The following GRIA2 variants were observed in gnomAD, a reference collection of about 807,000 sequenced individuals.
GRIA2 encodes the protein glutamate ionotropic receptor AMPA type subunit 2, also known as glutamate receptor 2.
GRIA2 carries 14 observed loss-of-function variants against 97.3 expected under a neutral mutation model. The ratio of observed to expected loss-of-function variants is 0.14; its 90% CI spans 0.10 to 0.23. GRIA2 has a LOEUF of 0.23. Ranked by LOEUF, GRIA2 falls within the 10% of genes least tolerant of loss-of-function variation. GRIA2 has a pLI of 1.00. For synonymous variants in GRIA2, 412 were observed against 387.8 expected (o/e 1.06, Z -0.73); for missense variants, 558 against 1,069.8 (o/e 0.52, Z 6.67).
chr4:157,303,475 A>T lies in GRIA2; in HGVS notation c.230-77A>T. On this transcript the variant is annotated intron_variant, in intron 2 of 15. Coordinates refer to ENST00000264426, the MANE Select transcript of GRIA2 (RefSeq NM_001083619.3). The stretch of plus-strand genomic sequence containing the variant: ...AATTTTGTATTTTATGTAAAAGGAC[A>T]TTACGTTTTAAGCAAATTCATATGA... 11 of 1,205,630 alleles carry T rather than the reference A, an allele frequency of 9.1e-6. No individual in the cohort carries two copies. In the South Asian group the frequency reaches 1.3e-4, roughly 14 times the overall value. The allele number at this position is 1,205,630 out of a possible 1,614,324, so 74.7% of individuals were successfully genotyped here. A position where few individuals can be genotyped will look rare whatever the true frequency, so the allele number is the denominator to read the frequency against.
chr4:157,222,437 G>T (rs1018401132), intron 2 of GRIA2, among the ~76,000 whole-genome samples: 2 of 152,192 alleles, frequency 1.3e-5, no homozygotes, highest in Non-Finnish European at 2.9e-5. Flanking sequence ...GGCGAGGAGC[G>T]GGGCTGACGC....
intron 2 of GRIA2, among the ~76,000 whole-genome samples, chr4:157,275,471 A>G (rs1472586363): frequency 1.3e-5 from 2 of 152,250 alleles, no homozygotes; most frequent in Non-Finnish European, 2.9e-5. Flanking sequence ...GGTATTGCCT[A>G]GGTTTTCTTC....
intron 12 of GRIA2, among the ~76,000 whole-genome samples, chr4:157,357,069 T>C (rs1271749249): frequency 6.6e-6 from 1 of 152,186 alleles, no homozygotes; most frequent in Non-Finnish European, 1.5e-5. Flanking sequence ...GTTACTTTTT[T>C]ATTTTTGCTA....
intron 2 of GRIA2, among the ~76,000 whole-genome samples, chr4:157,274,415 G>A (rs1312089068): frequency 6.6e-6 from 1 of 150,442 alleles, no homozygotes. Flanking sequence ...TGTGCACAAT[G>A]TGCAGGTTTG....
chr4:157,355,933 T>TAA (rs1560781153), intron 12 of GRIA2, among the ~76,000 whole-genome samples: 4 of 23,472 alleles, frequency 1.7e-4, no homozygotes, highest in East Asian at 2.6e-3. Flanking sequence ...TTATATATAT[T>TAA]TATATATTAA....
chr4:157,305,410 G>A (rs1267929613), intron 3 of GRIA2, among the ~76,000 whole-genome samples: 1 of 151,870 alleles, frequency 6.6e-6, no homozygotes, highest in African/African-American at 2.4e-5. Context: ...TGAAGTAGCA[G>A]GAATTACTGT....
At chr4:157,247,987 C>G (rs572810288) in intron 2 of GRIA2, among the ~76,000 whole-genome samples, 1 of 152,008 alleles carries the variant, frequency 6.6e-6, no homozygotes, top group Non-Finnish European at 1.5e-5. Context: ...TCAAATATAA[C>G]AAGTATAAAC....
chr4:157,325,038 A>G (rs764573998), intron 6 of GRIA2, among the ~76,000 whole-genome samples: 1 of 152,296 alleles, frequency 6.6e-6, no homozygotes, highest in African/African-American at 2.4e-5. Flanking sequence ...TGCTATTGGC[A>G]TAAAAATCTA....
intron 3 of GRIA2, among the ~76,000 whole-genome samples, chr4:157,306,691 C>T (rs1319397178): frequency 6.6e-6 from 1 of 152,104 alleles, no homozygotes; most frequent in Non-Finnish European, 1.5e-5. Context: ...TAATATTTTA[C>T]TTGGCTCATG....
rs1438423641 is a variant in GRIA2, at chr4:157,278,065, T to C, written c.230-25487T>C. 2.0e-5 allele frequency among the ~76,000 whole-genome samples: 3 copies of C among 151,626 alleles called. No individual in the cohort carries two copies. The East Asian group carries it at 5.8e-4, about 29-fold the overall frequency. Reference sequence around the variant, plus strand: ...ATCCCAACTTGATTTATAGATTCAATGCAACCTCAATCAGAACCTCAGCCA... The same window carrying C: ...ATCCCAACTTGATTTATAGATTCAACGCAACCTCAATCAGAACCTCAGCCA... On this transcript the variant is annotated intron_variant, in intron 2 of 15. Transcript: ENST00000264426.
chr4:157,294,526 A>G (rs2126843853), intron 2 of GRIA2, among the ~76,000 whole-genome samples: 1 of 151,850 alleles, frequency 6.6e-6, no homozygotes, highest in East Asian at 1.9e-4. Context: ...AATGTAAAAC[A>G]AAGAGGAAGA....
At chr4:157,346,256 A>G (rs1365334975) in intron 12 of GRIA2, among the ~76,000 whole-genome samples, 1 of 152,118 alleles carries the variant, frequency 6.6e-6, no homozygotes, top group East Asian at 1.9e-4. Flanking sequence ...TCTTCTATGG[A>G]ACTGTATTAA....
At chr4:157,300,020 T>C (rs2126857951) in intron 2 of GRIA2, among the ~76,000 whole-genome samples, 1 of 152,140 alleles carries the variant, frequency 6.6e-6, no homozygotes, top group Non-Finnish European at 1.5e-5. Context: ...GTGTTGGTAT[T>C]GTATAACTCA....
chr4:157,329,381 A>T (rs942644814), intron 6 of GRIA2, among the ~76,000 whole-genome samples: 5 of 151,990 alleles, frequency 3.3e-5, no homozygotes, highest in Non-Finnish European at 5.9e-5. Context: ...AGAAATGAGT[A>T]CGTAAAATGT....
At chr4:157,223,903 A>G (rs936904736) in intron 2 of GRIA2, among the ~76,000 whole-genome samples, 2 of 152,228 alleles carry the variant, frequency 1.3e-5, no homozygotes, top group African/African-American at 2.4e-5. Context: ...TAAAGATAAA[A>G]GACTGTGATT....
chr4:157,224,646 C>G (rs1179888460), intron 2 of GRIA2, among the ~76,000 whole-genome samples: 1 of 152,082 alleles, frequency 6.6e-6, no homozygotes, highest in Non-Finnish European at 1.5e-5. Context: ...ACTACAATCA[C>G]AAAGTCAAGA....
intron 12 of GRIA2, among the ~76,000 whole-genome samples, chr4:157,357,751 C>T (rs1029408314): frequency 1.3e-5 from 2 of 151,990 alleles, no homozygotes; most frequent in African/African-American, 2.4e-5. Flanking sequence ...GCAAAGACAG[C>T]GATCAACAGC....
intron 12 of GRIA2, among the ~76,000 whole-genome samples, chr4:157,359,212 CCTTT>C (rs531792631): frequency 9.9e-5 from 15 of 152,146 alleles, no homozygotes; most frequent in East Asian, 7.7e-4. Flanking sequence ...TTTCAATTAG[CCTTT>C]CTTTCTTTCA....
chr4:157,313,434 T>C (rs1734172699), intron 4 of GRIA2, among the ~76,000 whole-genome samples: 1 of 152,120 alleles, frequency 6.6e-6, no homozygotes, highest in Non-Finnish European at 1.5e-5. Context: ...TGTTTGCTAT[T>C]TGAGAAGTAA....
Sources: allele counts gnomAD v4.1 joint callset (sites outside exome capture counted in the v4.1 genomes callset), GRCh38; gene constraint gnomAD v4.1.1; transcripts MANE v1.5; gene names NCBI Gene and HGNC (gene_info 2026-07-23, HGNC 2026-07-21).